Variants in AKT3 observed in about 807,000 individuals in gnomAD.
AKT3 encodes the protein RAC-gamma serine/threonine-protein kinase.
A neutral mutation model predicts 65.3 loss-of-function variants in AKT3; 15 were observed. That is an observed-to-expected ratio of 0.23 (90% CI 0.15 to 0.35). The LOEUF is 0.35. Ranked by LOEUF, AKT3 falls within the 10% of genes least tolerant of loss-of-function variation. AKT3 has a pLI of 1.00. For synonymous variants in AKT3, 206 were observed against 183.8 expected, an observed-to-expected ratio of 1.12 and a Z score of -0.98; for missense variants, 243 against 576.5, an observed-to-expected ratio of 0.42 and a Z score of 5.92.
At chr1:243,644,764 T>C (rs2147841400) in intron 5 of AKT3, among the ~76,000 whole-genome samples, 1 of 152,346 alleles carries the variant, frequency 6.6e-6, no homozygotes, top group East Asian at 1.9e-4. Flanking sequence ...CTATTCTTCA[T>C]TTCATTTTAA....
At chr1:243,850,292 G>GGAAGGCGGC (rs1553463390), upstream of AKT3, among the ~76,000 whole-genome samples, 2 of 119,356 alleles carry the variant, frequency 1.7e-5, no homozygotes, top group Non-Finnish European at 3.9e-5. Context: ...GAGCTGGAGC[G>GGAAGGCGGC]GGAGGCGGCG....
At position 243,834,412 on chromosome 1, in the gene AKT3, C is replaced by T. The variant is rs180991899; in HGVS notation, c.46+8713G>A. Among the ~76,000 whole-genome samples, 176 of 152,180 alleles carry T rather than the reference C, an allele frequency of 1.2e-3. 1 individual carries two copies. Among genetic ancestry groups the T allele is most frequent in the Non-Finnish European group, 1.8e-3 (125 of 68,006 alleles). On this transcript the variant is annotated intron_variant, in intron 2 of 13. Coordinates refer to ENST00000673466, the MANE Select transcript of AKT3 (RefSeq NM_005465.7). ...AGTAAACTAATGAAGGAGTAGAAAA[C>T]CAAATATTACATGTTCTCACGTGTA...
intron 1 of AKT3, among the ~76,000 whole-genome samples, chr1:243,846,291 T>TA (rs1695519411): frequency 6.6e-6 from 1 of 152,166 alleles, no homozygotes; most frequent in East Asian, 1.9e-4. Context: ...AAAATCCTCC[T>TA]AAAATCTGTC....
At chr1:243,793,254 T>A (rs1038922747) in intron 2 of AKT3, 5 of 151,550 alleles carry the variant, frequency 3.3e-5, no homozygotes, top group African/African-American at 1.2e-4. Context: ...TATTTTAAAA[T>A]TTTTTTTACA....
chr1:243,522,611 C>G (rs756336101), intron 12 of AKT3, among the ~76,000 whole-genome samples: 5 of 152,028 alleles, frequency 3.3e-5, no homozygotes, highest in Admixed American at 1.3e-4. Flanking sequence ...CTGCACTCCC[C>G]TGGGTGACAG....
rs189424991 is a variant in AKT3, at chr1:243,700,607, G to A, written c.47-4891C>T. On this transcript the variant is annotated intron_variant, in intron 2 of 13. Transcript: ENST00000673466. ...CAACCTCTGCCTCCCAGGTTCAAGCGATTCTCCTGCCTCAGCCTCCCGAGT... is the reference window on the plus strand; with the variant it reads ...CAACCTCTGCCTCCCAGGTTCAAGCAATTCTCCTGCCTCAGCCTCCCGAGT... Among the ~76,000 whole-genome samples, 550 of 151,360 alleles carry A rather than the reference G, an allele frequency of 3.6e-3. 1 individual carries two copies. Among genetic ancestry groups the A allele is most frequent in the Admixed American group, 5.9e-3 (89 of 15,168 alleles).
chr1:243,685,065 T>TG (rs1684191606), intron 3 of AKT3, among the ~76,000 whole-genome samples: 1 of 152,160 alleles, frequency 6.6e-6, no homozygotes, highest in African/African-American at 2.4e-5. Context: ...CTTTGACAGG[T>TG]GGATAGATTG....
chr1:243,827,665 CTGAG>C (rs1183205226), intron 2 of AKT3, among the ~76,000 whole-genome samples: 5 of 152,022 alleles, frequency 3.3e-5, no homozygotes, highest in African/African-American at 4.8e-5. Flanking sequence ...TTACCCAATC[CTGAG>C]TGAGAGGAAA....
intron 8 of AKT3, 70 bp from the exon 9 acceptor site, chr1:243,573,118 A>G: frequency 1.3e-6 from 2 of 1,543,474 alleles, no homozygotes; most frequent in South Asian, 1.1e-5. Context: ...ACACAAACAT[A>G]AAACACCTCT....
intron 2 of AKT3, among the ~76,000 whole-genome samples, chr1:243,766,674 C>A (rs1021872907): frequency 2.6e-5 from 4 of 152,180 alleles, no homozygotes; most frequent in African/African-American, 7.2e-5. Flanking sequence ...GTGGAGAACA[C>A]ATAGACTTTA....
intron 8 of AKT3, among the ~76,000 whole-genome samples, chr1:243,587,395 G>A (rs1186363851): frequency 1.3e-5 from 2 of 152,140 alleles, no homozygotes; most frequent in Non-Finnish European, 2.9e-5. Context: ...CAGATTGCCT[G>A]AGCTCAAGAA....
At chr1:243,658,183 T>C (rs528598161) in intron 4 of AKT3, among the ~76,000 whole-genome samples, 1 of 152,236 alleles carries the variant, frequency 6.6e-6, no homozygotes, top group South Asian at 2.1e-4. Flanking sequence ...TGAGAGAATA[T>C]ATTTCCAAAC....
At chr1:243,715,976 A>G (rs1686490561) in intron 2 of AKT3, among the ~76,000 whole-genome samples, 1 of 152,130 alleles carries the variant, frequency 6.6e-6, no homozygotes, top group Non-Finnish European at 1.5e-5. Context: ...ATTTGATCAA[A>G]AGTTTTTCTT....
At chr1:243,511,814 T>C (rs1215896373) in intron 13 of AKT3, among the ~76,000 whole-genome samples, 1 of 152,256 alleles carries the variant, frequency 6.6e-6, no homozygotes, top group East Asian at 1.9e-4. Context: ...ATATGTAATT[T>C]ATAGGTATCC....
chr1:243,775,648 A>G (rs1360656261), intron 2 of AKT3, among the ~76,000 whole-genome samples: 4 of 152,206 alleles, frequency 2.6e-5, no homozygotes, highest in Admixed American at 2.0e-4. Context: ...AAGGCTAACA[A>G]AATCAGTCCT....
rs1279535447 is a variant in AKT3, at chr1:243,552,558, A to T, written c.1163+171T>A. Among the ~76,000 whole-genome samples the T allele has an allele frequency of 1.3e-5, 2 of 152,134 alleles. 1 individual carries two copies. The highest frequency in any genetic ancestry group is 2.9e-5 in the Non-Finnish European group (2 of 68,008). On this transcript the variant is annotated intron_variant, in intron 11 of 13. Coordinates refer to ENST00000673466, the MANE Select transcript of AKT3 (RefSeq NM_005465.7). ...TTCCAAGTTAGGAAAGAGTTGAGAA[A>T]AATTTTTAAATGTTCTATATTATGC...
chr1:243,689,211 G>C (rs1467624675), intron 3 of AKT3, among the ~76,000 whole-genome samples: 1 of 151,940 alleles, frequency 6.6e-6, no homozygotes, highest in African/African-American at 2.4e-5. Context: ...TTCACTATCA[G>C]GTATGGGTAT....
At chr1:243,593,281 C>A (rs1676362183) in intron 8 of AKT3, among the ~76,000 whole-genome samples, 1 of 152,180 alleles carries the variant, frequency 6.6e-6, no homozygotes. Flanking sequence ...AACAAAACTT[C>A]TCTAATTCAA....
chr1:243,642,068 G>T (rs1372140835), intron 5 of AKT3, among the ~76,000 whole-genome samples: 1 of 152,056 alleles, frequency 6.6e-6, no homozygotes, highest in Non-Finnish European at 1.5e-5. Flanking sequence ...AAAAAAAAGG[G>T]AATTTACATG....
Sources: gnomAD v4.1 joint callset for allele counts (sites outside exome capture counted in the v4.1 genomes callset) on GRCh38, gnomAD v4.1.1 for gene constraint, MANE v1.5 for transcripts, NCBI Gene and HGNC (gene_info 2026-07-23, HGNC 2026-07-21) for gene names.